The following FAF1 variants were observed in gnomAD, a reference collection of about 807,000 sequenced individuals.
FAF1 encodes the protein Fas associated factor 1.
A neutral mutation model predicts 92.5 loss-of-function variants in FAF1; 25 were observed. The ratio of observed to expected loss-of-function variants is 0.27; its 90% CI spans 0.20 to 0.38. The LOEUF (loss-of-function observed/expected upper bound fraction) is 0.38, where lower values mean the gene tolerates loss of function less well. Among genes scored for constraint, FAF1 ranks in the 10% least tolerant of loss-of-function variants. The probability of loss-of-function intolerance (pLI) is 1.00; values close to 1 mark genes in which losing one functional copy is unlikely to be tolerated. For synonymous variants in FAF1, 234 were observed against 273.2 expected, an observed-to-expected ratio of 0.86 and a Z score of 1.42; for missense variants, 636 against 793.3, an observed-to-expected ratio of 0.80 and a Z score of 2.38.
At chr1:50,512,031 TAA>T (rs2149024160) in intron 15 of FAF1, among the ~76,000 whole-genome samples, 1 of 152,354 alleles carries the variant, frequency 6.6e-6, no homozygotes, top group South Asian at 2.1e-4. Flanking sequence ...GTTGGCCACA[TAA>T]AAGTCTTCTT....
At chr1:50,753,381 A>G (rs1407652898) in intron 4 of FAF1, among the ~76,000 whole-genome samples, 1 of 152,222 alleles carries the variant, frequency 6.6e-6, no homozygotes, top group Non-Finnish European at 1.5e-5. Context: ...ATGCATATAC[A>G]ACAATTTGGT....
intron 5 of FAF1, among the ~76,000 whole-genome samples, chr1:50,744,442 A>C (rs1188065290): frequency 6.6e-6 from 1 of 152,210 alleles, no homozygotes; most frequent in Non-Finnish European, 1.5e-5. Context: ...AAAAGTTAGA[A>C]ATAGGAAAAA....
intron 15 of FAF1, among the ~76,000 whole-genome samples, chr1:50,511,615 T>A (rs542616747): frequency 5.3e-5 from 8 of 152,336 alleles, no homozygotes; most frequent in Non-Finnish European, 8.8e-5. Context: ...CCGTGGTGTA[T>A]ATGTGCCATA....
chr1:50,923,138 G>A (rs2124735384), intron 1 of FAF1, among the ~76,000 whole-genome samples: 1 of 152,252 alleles, frequency 6.6e-6, no homozygotes, highest in South Asian at 2.1e-4. Context: ...GTCTCCTAAG[G>A]CTAAGTGCAA....
At chr1:50,906,949 T>C (rs1378254558) in intron 1 of FAF1, among the ~76,000 whole-genome samples, 1 of 152,224 alleles carries the variant, frequency 6.6e-6, no homozygotes, top group African/African-American at 2.4e-5. Context: ...GGCATCCCTG[T>C]CTTGTGACAG....
intron 4 of FAF1, among the ~76,000 whole-genome samples, chr1:50,773,851 A>C (rs1660859276): frequency 6.6e-6 from 1 of 152,194 alleles, no homozygotes; most frequent in East Asian, 1.9e-4. Context: ...TACCACAAAG[A>C]AATGGTAAGT....
At chr1:50,891,007 T>C (rs1350011408) in intron 1 of FAF1, among the ~76,000 whole-genome samples, 40 of 152,202 alleles carry the variant, frequency 2.6e-4, no homozygotes, top group East Asian at 1.9e-4. Context: ...CAATCAAACG[T>C]AGATTTGGTC....
chr1:50,733,243 C>T (rs1246783886), intron 6 of FAF1, among the ~76,000 whole-genome samples: 5 of 152,138 alleles, frequency 3.3e-5, no homozygotes, highest in Non-Finnish European at 7.4e-5. Flanking sequence ...TACCTATTTT[C>T]TATTTTGATG....
intron 15 of FAF1, among the ~76,000 whole-genome samples, chr1:50,528,734 T>G (rs1647976786): frequency 1.3e-5 from 2 of 152,048 alleles, no homozygotes; most frequent in African/African-American, 4.8e-5. Context: ...TTATACAGAG[T>G]GTGCCTGCCT....
chr1:50,762,048 GACAA>G (rs1188177338), intron 4 of FAF1, among the ~76,000 whole-genome samples: 7 of 152,062 alleles, frequency 4.6e-5, no homozygotes, highest in African/African-American at 1.4e-4. Context: ...ACCAATAACA[GACAA>G]ACAGAGAGCC....
intron 13 of FAF1, among the ~76,000 whole-genome samples, chr1:50,558,833 T>C (rs1057176289): frequency 3.9e-5 from 6 of 152,204 alleles, no homozygotes; most frequent in Admixed American, 3.9e-4. Context: ...TCAAATACGA[T>C]GCATGTGCAA....
chr1:50,928,492 T>C (rs1645023085), intron 1 of FAF1, among the ~76,000 whole-genome samples: 1 of 152,054 alleles, frequency 6.6e-6, no homozygotes, highest in Admixed American at 6.6e-5. Flanking sequence ...ATTTAAAAAC[T>C]GAGGAAGGCG....
chr1:50,708,294 T>C (rs988316360), intron 6 of FAF1, among the ~76,000 whole-genome samples: 5 of 152,122 alleles, frequency 3.3e-5, no homozygotes, highest in Non-Finnish European at 7.3e-5. Flanking sequence ...GATGAAAAAC[T>C]GTCAAGTTCA....
chr1:50,757,299 TATA>T (rs1461285926), intron 4 of FAF1, among the ~76,000 whole-genome samples: 1 of 152,240 alleles, frequency 6.6e-6, no homozygotes, highest in Non-Finnish European at 1.5e-5. Flanking sequence ...TTCTGAACAT[TATA>T]ATGAGACAGG....
At chr1:50,888,678 G>A (rs559961511) in intron 1 of FAF1, among the ~76,000 whole-genome samples, 19 of 152,262 alleles carry the variant, frequency 1.2e-4, no homozygotes, top group South Asian at 2.1e-4. Context: ...ACTGATTTGC[G>A]TATGTCGAAC....
chr1:50,772,357 A>G (rs1211015324), intron 4 of FAF1, among the ~76,000 whole-genome samples: 2 of 152,178 alleles, frequency 1.3e-5, no homozygotes, highest in Admixed American at 1.3e-4. Context: ...GTATATACAC[A>G]AAGGAACATC....
chr1:50,515,677 A>C (rs935920467), intron 15 of FAF1, among the ~76,000 whole-genome samples: 6 of 152,164 alleles, frequency 3.9e-5, no homozygotes, highest in Non-Finnish European at 7.4e-5. Flanking sequence ...TTCCTGCTTA[A>C]GAGAAGCGAT....
chr1:50,687,348 TATCA>T (rs969999285), intron 7 of FAF1, among the ~76,000 whole-genome samples: 2 of 141,132 alleles, frequency 1.4e-5, no homozygotes, highest in African/African-American at 5.4e-5. Flanking sequence ...CAGAACGTTT[TATCA>T]ATCAAAAAAA....
intron 1 of FAF1, among the ~76,000 whole-genome samples, chr1:50,953,839 T>A (rs138651712): frequency 8.3e-4 from 127 of 152,282 alleles, no homozygotes; most frequent in Admixed American, 2.0e-3. Context: ...AAAGCACATT[T>A]GTGTGTTACA....
Sources: allele counts gnomAD v4.1 joint callset (sites outside exome capture counted in the v4.1 genomes callset), GRCh38; gene constraint gnomAD v4.1.1; transcripts MANE v1.5; gene names NCBI Gene and HGNC (gene_info 2026-07-23, HGNC 2026-07-21).